Variants in ANKRD30A observed in about 807,000 individuals in gnomAD.
ANKRD30A encodes the protein ankyrin repeat domain 30A, also known as ankyrin repeat domain-containing protein 30A.
A neutral mutation model predicts 166.3 loss-of-function variants in ANKRD30A; 170 were observed. That is an observed-to-expected ratio of 1.02 (90% CI 0.90 to 1.16). The LOEUF (loss-of-function observed/expected upper bound fraction) is 1.16. Among genes scored for constraint, ANKRD30A ranks in the 50% most tolerant of loss-of-function variants. The pLI, the probability that ANKRD30A is intolerant of heterozygous loss-of-function variation, is 0.00. For synonymous variants in ANKRD30A, 564 were observed against 508.9 expected, an observed-to-expected ratio of 1.11 and a Z score of -1.46; for missense variants, 1,630 against 1,518.0, an observed-to-expected ratio of 1.07 and a Z score of -1.23.
At chr10:37,192,969 C>A in intron 25 of ANKRD30A, 95 bp from the exon 26 acceptor site, 2 of 1,479,898 alleles carry the variant, frequency 1.4e-6, no homozygotes, top group East Asian at 4.6e-5. Context: ...GCAATCCAAG[C>A]ATGAGGATTC....
chr10:37,190,126 A>G (rs999813377), intron 25 of ANKRD30A, among the ~76,000 whole-genome samples: 1 of 151,930 alleles, frequency 6.6e-6, no homozygotes. Flanking sequence ...GCATATCTGC[A>G]TGGCCACACA....
intron 27 of ANKRD30A, among the ~76,000 whole-genome samples, chr10:37,196,905 C>T (rs868094044): frequency 1.3e-5 from 2 of 152,060 alleles, no homozygotes; most frequent in African/African-American, 2.4e-5. Context: ...TGTACCTTTC[C>T]GAAGATAGGC....
At chr10:37,127,826 C>A (rs1836143552) in intron 1 of ANKRD30A, among the ~76,000 whole-genome samples, 3 of 129,464 alleles carry the variant, frequency 2.3e-5, no homozygotes, top group Admixed American at 1.6e-4. Context: ...TTGCAGATGA[C>A]TTTTCAAATA....
chr10:37,226,832 A>G (rs892871871), intron 34 of ANKRD30A, among the ~76,000 whole-genome samples: 11 of 151,726 alleles, frequency 7.2e-5, no homozygotes, highest in Non-Finnish European at 1.6e-4. Context: ...ATTTCTCCAC[A>G]TTTTTACCAG....
chr10:37,240,093 T>C, the ANKRD30A span, among the ~76,000 whole-genome samples: 10 of 152,228 alleles, frequency 6.6e-5, no homozygotes, highest in African/African-American at 2.4e-4. Context: ...GTACATCAGT[T>C]GGCTATTGTT....
intron 29 of ANKRD30A, among the ~76,000 whole-genome samples, chr10:37,198,193 T>C (rs1419445521): frequency 6.6e-6 from 1 of 152,156 alleles, no homozygotes; most frequent in African/African-American, 2.4e-5. Flanking sequence ...TATGCATGTT[T>C]AAACATTTTA....
Position 37,219,770 on chromosome 10 carries a change from A to G in ANKRD30A, c.4058A>G (p.Asp1353Gly), listed in dbSNP as rs1588950128. Residue 1353 changes from aspartate to glycine, a missense_variant, in exon 34 of 36, where the codon GAT becomes GGT. Around this residue, in one of 4 missense-constraint regions of ANKRD30A, gnomAD observed 712 missense variants for 629.3 expected, o/e 1.13. Transcript: ENST00000361713. ...GACAACAAAAGCAAGATAACAATTG[A>G]TATTCATTTTCTTGAGAGGAAAATG... is the stretch of plus-strand genomic sequence containing the variant. ...KADNKSKITI[D>G]IHFLERKMQH... The G allele has an allele frequency of 6.2e-7, 1 of 1,608,488 alleles. No homozygotes were observed. The highest frequency in any genetic ancestry group is 8.5e-7 in the Non-Finnish European group (1 of 1,176,598).
At chr10:37,191,777 C>T (rs529735589) in intron 25 of ANKRD30A, among the ~76,000 whole-genome samples, 10 of 152,008 alleles carry the variant, frequency 6.6e-5, no homozygotes, top group East Asian at 1.9e-4. Context: ...GGGTGGATCA[C>T]GAGGTCAGGA....
intron 19 of ANKRD30A, among the ~76,000 whole-genome samples, chr10:37,167,645 G>A (rs1839465228): frequency 6.6e-6 from 1 of 151,734 alleles, no homozygotes; most frequent in South Asian, 2.1e-4. Context: ...GATGAGATTT[G>A]TACATCTTCC....
At chr10:37,165,799 G>T (rs1025409819) in intron 18 of ANKRD30A, among the ~76,000 whole-genome samples, 2 of 152,108 alleles carry the variant, frequency 1.3e-5, no homozygotes, top group African/African-American at 2.4e-5. Flanking sequence ...CAGCATGAGC[G>T]TCAAATCATA....
intron 31 of ANKRD30A, among the ~76,000 whole-genome samples, chr10:37,205,652 A>G (rs1336826228): frequency 6.6e-6 from 1 of 152,202 alleles, no homozygotes; most frequent in African/African-American, 2.4e-5. Flanking sequence ...GACATTGGAG[A>G]TGGAATTACC....
chr10:37,190,808 G>A (rs1439596926), intron 25 of ANKRD30A, among the ~76,000 whole-genome samples: 1 of 151,644 alleles, frequency 6.6e-6, no homozygotes, highest in Non-Finnish European at 1.5e-5. Flanking sequence ...TTAATATGAA[G>A]CATCAATATA....
At chr10:37,231,088 T>C (rs1843391302) in intron 34 of ANKRD30A, among the ~76,000 whole-genome samples, 1 of 152,124 alleles carries the variant, frequency 6.6e-6, no homozygotes, top group South Asian at 2.1e-4. Context: ...TGAGGGATAA[T>C]ATTTAAAAAT....
intron 15 of ANKRD30A, among the ~76,000 whole-genome samples, chr10:37,160,456 G>C (rs1325619030): frequency 6.6e-6 from 1 of 152,056 alleles, no homozygotes; most frequent in East Asian, 1.9e-4. Flanking sequence ...TTAGGCCCCC[G>C]GTGTATTTGT....
At chr10:37,235,765 CT>C (rs947216787), downstream of ANKRD30A, among the ~76,000 whole-genome samples, 2,016 of 114,972 alleles carry the variant, frequency 0.018, 13 homozygotes, top group East Asian at 0.083. Context: ...ATTTCATTCT[CT>C]TTTTTTTTTT....
chr10:37,232,488 T>C lies in ANKRD30A; in HGVS notation c.*212-11T>C, dbSNP rs1843456862. On this transcript the variant is annotated splice_polypyrimidine_tract_variant and intron_variant, in intron 35 of 35. Transcript: ENST00000361713. ...CAACCACACATAAGCCATTATCTTC[T>C]TTCTACCCAGAATTGCATAAAGCTG... The C allele has an allele frequency of 6.6e-6, 1 of 150,668 alleles. No homozygotes were observed. The highest frequency in any genetic ancestry group is 6.7e-5 in the Admixed American group (1 of 15,034). 9.3% of individuals were successfully genotyped at this position (150,668 alleles called of 1,614,324 possible).
In ANKRD30A at chr10:37,165,148, A is replaced by T. The variant is rs1483376874; in HGVS notation, c.2057A>T (p.Asp686Val). Residue 686 changes from aspartate (D) to valine (V), a missense_variant, in exon 18 of 36, where the codon GAT becomes GTT. Physicochemically the swap from Asp to Val is radical, Grantham distance 152. Around this residue, in one of 4 missense-constraint regions of ANKRD30A, gnomAD observed 904 missense variants for 818.5 expected, o/e 1.10. Transcript: ENST00000361713. ...AAGGACTATGAAGAAAATTCTTGGG[A>T]TACTGAGGTACTGTGTGTTGTTGAT... is the stretch of plus-strand genomic sequence containing the variant. ...KQKDYEENSW[D>V]TESLCETVSQ... 1 of 1,607,538 alleles carries T rather than the reference A, an allele frequency of 6.2e-7. No homozygotes were observed. Among genetic ancestry groups the T allele is most frequent in the African/African-American group, 1.3e-5 (1 of 74,872 alleles).
At position 37,216,320 on chromosome 10, in the gene ANKRD30A, G is replaced by T. The variant is rs878867826; in HGVS notation, c.3009G>T (p.Leu1003=). The change falls in exon 32 of 36, where the codon CTG becomes CTT. Residue 1003 remains leucine, a synonymous_variant. Coordinates refer to ENST00000361713, the MANE Select transcript of ANKRD30A (RefSeq NM_052997.3). ...AGTTTTGTGTACTGAAAAAGAAACT[G>T]TCAGAAGCAAAAGAAATAAAATCAC... The part of the protein sequence containing the change: ...KKKFCVLKKK[L]SEAKEIKSQL... 1 of 1,608,660 alleles carries T rather than the reference G, an allele frequency of 6.2e-7. No individual in the cohort carries two copies.
chr10:37,257,884 A>C, the ANKRD30A span, among the ~76,000 whole-genome samples: 1 of 152,190 alleles, frequency 6.6e-6, no homozygotes, highest in African/African-American at 2.4e-5. Flanking sequence ...CAAACACTGC[A>C]TGTTCTCCCT....
Sources: gnomAD v4.1 joint callset for allele counts (sites outside exome capture counted in the v4.1 genomes callset) on GRCh38, gnomAD v4.1.1 for gene constraint, gnomAD v4.1.1 regional missense constraint, MANE v1.5 for transcripts, NCBI Gene and HGNC (gene_info 2026-07-23, HGNC 2026-07-21) for gene names.